SLC12A6: variants seen among roughly 807,000 people sequenced by gnomAD.
SLC12A6 encodes the protein K-Cl cotransporter 3.
In SLC12A6, 66 loss-of-function variants were observed where a neutral mutation model predicts 135.3. The ratio of observed to expected loss-of-function variants is 0.49; its 90% CI spans 0.40 to 0.60. The LOEUF is 0.60. SLC12A6 is among the 20% of genes least tolerant of loss of function. The pLI is 0.00. For missense variants in SLC12A6, 1,058 were observed against 1,452.3 expected (o/e 0.73, Z 4.41); for synonymous variants, 513 against 508.8 (o/e 1.01, Z -0.11).
At chr15:34,262,827 C>A (rs1186147197) in intron 3 of SLC12A6, among the ~76,000 whole-genome samples, 4 of 152,184 alleles carry the variant, frequency 2.6e-5, no homozygotes, top group Admixed American at 6.5e-5. Flanking sequence ...CACTCCCTCA[C>A]CCCCTCCCAC....
In SLC12A6 at chr15:34,331,516, A is replaced by G. The variant is rs563521768; in HGVS notation, c.271+4894T>C. Among the ~76,000 whole-genome samples the G allele has an allele frequency of 1.1e-3, 170 of 152,346 alleles. 2 individuals are homozygous for G. Among genetic ancestry groups the G allele is most frequent in the African/African-American group, 3.9e-3 (162 of 41,586 alleles). ...GAAGTAGCACTACTCTCGTACATACATTAATATGCCTTTATCAGAGTACGT... is the reference window on the plus strand; with the variant it reads ...GAAGTAGCACTACTCTCGTACATACGTTAATATGCCTTTATCAGAGTACGT... On this transcript the variant is annotated intron_variant, in intron 2 of 25. Transcript: ENST00000354181.
chr15:34,291,587 G>C (rs778747881), intron 2 of SLC12A6, among the ~76,000 whole-genome samples: 1 of 152,060 alleles, frequency 6.6e-6, no homozygotes, highest in Non-Finnish European at 1.5e-5. Context: ...TTTCTAACTT[G>C]GTTTCATTCT....
Position 34,236,153 on chromosome 15 carries a change from A to G in SLC12A6, c.3089T>C (p.Ile1030Thr), listed in dbSNP as rs1310483754. The change falls in exon 24 of 26, where the codon ATT becomes ACT. Residue 1030 changes from isoleucine (I) to threonine (T), a missense_variant. Ile to Thr is a moderately conservative substitution (Grantham distance 89, BLOSUM62 -1). Coordinates refer to ENST00000354181, the MANE Select transcript of SLC12A6 (RefSeq NM_001365088.1). Reference protein sequence around the residue: ...DRNSMLRLTSIGSDEDEETET... With the variant: ...DRNSMLRLTSTGSDEDEETET... ...TGTCTCTTCGTCCTCATCAGAGCCA[A>G]TGCTGGTCAATCGTAGCATTGAGTT... 22 of 1,614,008 alleles carry G rather than the reference A, an allele frequency of 1.4e-5. No homozygotes were observed. Among genetic ancestry groups the G allele is most frequent in the Non-Finnish European group, 1.7e-5 (20 of 1,179,864 alleles).
At chr15:34,249,433 G>A (rs936325715) in intron 13 of SLC12A6, among the ~76,000 whole-genome samples, 3 of 152,054 alleles carry the variant, frequency 2.0e-5, no homozygotes, top group Non-Finnish European at 2.9e-5. Flanking sequence ...TGGGTGTGGT[G>A]GTATGCACCT....
Position 34,236,183 on chromosome 15 carries a change from T to C in SLC12A6, c.3059A>G (p.Asp1020Gly). 1.9e-6 allele frequency: 3 copies of C among 1,613,888 alleles called. No individual in the cohort carries two copies. The highest frequency in any genetic ancestry group is 2.5e-6 in the Non-Finnish European group (3 of 1,179,752). The change falls in exon 24 of 26, where the codon GAC becomes GGC. Residue 1020 changes from aspartate (D) to glycine (G), a missense_variant. By Grantham distance (94) the Asp-to-Gly change is moderately conservative (BLOSUM62 -1). This residue lies in a region of SLC12A6 where 245 missense variants were observed against 440.8 expected (regional missense o/e 0.56). Coordinates refer to ENST00000354181, the MANE Select transcript of SLC12A6 (RefSeq NM_001365088.1). ...ERDREAQLVK[D>G]RNSMLRLTSI... is the part of the protein sequence containing the mutation. Reference sequence around the variant, plus strand: ...GGTCAATCGTAGCATTGAGTTTCGGTCTTTCACCAATTGTGCCTGAGGAAG... The same window carrying C: ...GGTCAATCGTAGCATTGAGTTTCGGCCTTTCACCAATTGTGCCTGAGGAAG...
chr15:34,237,497 G>A lies in SLC12A6; in HGVS notation c.2856C>T (p.Asn952=). Reference sequence around the variant, plus strand: ...CTAGGTCCTTCTTCATTTGGATACTGTTGTCTTCTAATTGGGCTACTGTGA... The same window carrying A: ...CTAGGTCCTTCTTCATTTGGATACTATTGTCTTCTAATTGGGCTACTGTGA... ...RIFTVAQLED[N]SIQMKKDLAT... The change falls in exon 22 of 26, where the codon AAC becomes AAT. Residue 952 remains asparagine (N), a synonymous_variant. Coordinates refer to ENST00000354181, the MANE Select transcript of SLC12A6 (RefSeq NM_001365088.1). 1 of 1,611,760 alleles carries A rather than the reference G, an allele frequency of 6.2e-7. No homozygotes were observed. The highest frequency in any genetic ancestry group is 8.5e-7 in the Non-Finnish European group (1 of 1,177,986).
chr15:34,324,282 C>T (rs963563621), intron 2 of SLC12A6, among the ~76,000 whole-genome samples: 2 of 152,034 alleles, frequency 1.3e-5, no homozygotes, highest in East Asian at 1.9e-4. Context: ...GAAATATTTA[C>T]ATTTGTATAC....
chr15:34,331,945 G>A (rs1889877734), intron 2 of SLC12A6, among the ~76,000 whole-genome samples: 1 of 151,926 alleles, frequency 6.6e-6, no homozygotes. Context: ...CCCACTCCAA[G>A]GCTACACACT....
intron 2 of SLC12A6, 70 bp from the exon 3 acceptor site, chr15:34,275,459 G>T (rs1239462300): frequency 3.4e-6 from 3 of 883,814 alleles, no homozygotes; most frequent in Non-Finnish European, 5.6e-6. Context: ...TTTAAAATCA[G>T]CAACAAAAGT....
At chr15:34,306,532 GC>G (rs1219606735) in intron 2 of SLC12A6, among the ~76,000 whole-genome samples, 2 of 152,166 alleles carry the variant, frequency 1.3e-5, no homozygotes, top group African/African-American at 4.8e-5. Flanking sequence ...TTCTCACACA[GC>G]CCATGGCCTC....
chr15:34,324,093 T>A (rs761330593), intron 2 of SLC12A6, among the ~76,000 whole-genome samples: 4 of 152,136 alleles, frequency 2.6e-5, no homozygotes, highest in Admixed American at 2.6e-4. Context: ...TCTGTATTTT[T>A]ACCCAAGAGA....
intron 6 of SLC12A6, 63 bp downstream of exon 6, chr15:34,257,579 G>C (rs961502770): frequency 8.0e-7 from 1 of 1,242,342 alleles, no homozygotes; most frequent in African/African-American, 1.5e-5. Context: ...AAGAGGTCAT[G>C]TGCATCTGCT....
chr15:34,274,371 C>T (rs1894155583), intron 3 of SLC12A6, among the ~76,000 whole-genome samples: 1 of 152,152 alleles, frequency 6.6e-6, no homozygotes, highest in Non-Finnish European at 1.5e-5. Context: ...AAACTGTCAA[C>T]AGCAAGTACT....
chr15:34,266,030 T>TA (rs57166627), intron 3 of SLC12A6, among the ~76,000 whole-genome samples: 1 of 138,232 alleles, frequency 7.2e-6, no homozygotes, highest in African/African-American at 2.7e-5. Flanking sequence ...TTTTTTTTTT[T>TA]AAGAAGAGAT....
In SLC12A6 at chr15:34,275,495, T is replaced by A. The variant is rs182425792; in HGVS notation, c.272-106A>T. 1.0e-5 allele frequency: 7 copies of A among 690,424 alleles called. No homozygotes were observed. The East Asian group carries it at 1.6e-4, about 16-fold the overall frequency. 42.8% of individuals were successfully genotyped at this position (690,424 alleles called of 1,614,324 possible). A position where few individuals can be genotyped will look rare whatever the true frequency, so the allele number is the denominator to read the frequency against. On this transcript the variant is annotated intron_variant, in intron 2 of 25. Transcript: ENST00000354181. ...CAACCAAGGAAATAAGCAAAAAAATTTAAAAACTTATGAAATATTAATGTG... is the reference window on the plus strand; with the variant it reads ...CAACCAAGGAAATAAGCAAAAAAATATAAAAACTTATGAAATATTAATGTG...
At position 34,230,873 on chromosome 15, in the gene SLC12A6, T is replaced by G. The variant is rs1566793272; in HGVS notation, c.*3008A>C. On this transcript the variant is annotated 3_prime_UTR_variant, in exon 26 of 26. Coordinates refer to ENST00000354181, the MANE Select transcript of SLC12A6 (RefSeq NM_001365088.1). The stretch of plus-strand genomic sequence containing the variant: ...AAGCAGTGGTTATATTAAAAGCCAC[T>G]AATTCCCTTATCCCTTTAAAAGATT... The G allele has an allele frequency of 6.6e-6, 1 of 152,620 alleles. No homozygotes were observed. Among genetic ancestry groups the G allele is most frequent in the Non-Finnish European group, 1.5e-5 (1 of 68,058 alleles). The allele number at this position is 152,620 out of a possible 1,614,324, so 9.5% of individuals were successfully genotyped here. A position where few individuals can be genotyped will look rare whatever the true frequency, so the allele number is the denominator to read the frequency against.
chr15:34,291,406 T>C (rs347811), intron 2 of SLC12A6, among the ~76,000 whole-genome samples: 150,544 of 152,310 alleles, frequency 0.99, 74,414 homozygotes, highest in East Asian at 1. Context: ...TCTCTGGCTG[T>C]GCTTAACATT....
At chr15:34,322,821 C>T (rs964968920) in intron 2 of SLC12A6, among the ~76,000 whole-genome samples, 1 of 151,284 alleles carries the variant, frequency 6.6e-6, no homozygotes, top group Non-Finnish European at 1.5e-5. Flanking sequence ...CCACTAAAAA[C>T]ACAAAAATTA....
chr15:34,312,796 G>A (rs894686388), intron 2 of SLC12A6, among the ~76,000 whole-genome samples: 9 of 152,140 alleles, frequency 5.9e-5, no homozygotes, highest in African/African-American at 2.2e-4. Flanking sequence ...TTTTCCAATA[G>A]CATGTGCTCA....
Sources: gnomAD v4.1 joint callset for allele counts (sites outside exome capture counted in the v4.1 genomes callset) on GRCh38, gnomAD v4.1.1 for gene constraint, gnomAD v4.1.1 regional missense constraint, MANE v1.5 for transcripts, NCBI Gene and HGNC (gene_info 2026-07-23, HGNC 2026-07-21) for gene names.